The following CLN6 variants were observed in gnomAD, a reference collection of about 807,000 sequenced individuals.
The protein encoded by CLN6 is CLN6 transmembrane ER protein, also known as ceroid-lipofuscinosis neuronal protein 6.
CLN6 carries 22 observed loss-of-function variants against 33.3 expected under a neutral mutation model. The ratio of observed to expected loss-of-function variants is 0.66; its 90% confidence interval spans 0.47 to 0.94. The LOEUF is 0.94. Among genes scored for constraint, CLN6 ranks in the 40% least tolerant of loss-of-function variants. The pLI, the probability that CLN6 is intolerant of heterozygous loss-of-function variation, is 0.00. For synonymous variants in CLN6, 201 were observed against 174.6 expected, an observed-to-expected ratio of 1.15 and a Z score of -1.19; for missense variants, 387 against 417.1, an observed-to-expected ratio of 0.93 and a Z score of 0.63.
chr15:68,213,537 T>C (rs1044136058), intron 3 of CLN6: 3 of 152,188 alleles, frequency 2.0e-5, no homozygotes, highest in African/African-American at 7.2e-5. Context: ...CCACTGCGCC[T>C]GGCCAATTTT....
Position 68,211,256 on chromosome 15 carries a change from C to T in CLN6, c.542+7G>A, listed in dbSNP as rs991076289. 1 of 1,613,716 alleles carries T rather than the reference C, an allele frequency of 6.2e-7. No homozygotes were observed. On this transcript the variant is annotated splice_region_variant and intron_variant, in intron 5 of 6. Transcript: ENST00000249806. The surrounding 1 kb of genome is among the most constrained non-coding windows in gnomAD (Gnocchi z 5.9). ...CCCTGGGATAGACAGATGGGCCCAT[C>T]ACTCACCACATGCAGTGACCCAGGT...
In CLN6 at chr15:68,211,159, G is replaced by T; in HGVS notation, c.542+104C>A. 1 of 961,584 alleles carries T rather than the reference G, an allele frequency of 1.0e-6. No homozygotes were observed. Among genetic ancestry groups the T allele is most frequent in the Non-Finnish European group, 1.7e-6 (1 of 585,530 alleles). The allele number at this position is 961,584 out of a possible 1,614,324, so 59.6% of individuals were successfully genotyped here. ...TACAGGGGATGAGACTCAACACATG[G>T]AGACCCGCAGCCCAGACAGCCTTGC... On this transcript the variant is annotated intron_variant, in intron 5 of 6. Transcript: ENST00000249806. The surrounding 1 kb of genome is among the most constrained non-coding windows in gnomAD (Gnocchi z 5.9).
In CLN6 at chr15:68,242,834, G is replaced by A. The variant is rs1010546189; in HGVS notation, c.179+13856C>T. ...AGCATTAGATGATAGGTAAGGCCTG[G>A]GGACATGTGGAGAGCCATGCCCACC... is the stretch of plus-strand genomic sequence containing the variant. On this transcript the variant is annotated intron_variant, in intron 1 of 6. Coordinates refer to the CLN6 transcript ENST00000538696. This position sits in a 1 kb window ranked among gnomAD's most constrained non-coding sequence, Gnocchi z 5.0. 1.3e-5 allele frequency among the ~76,000 whole-genome samples: 2 copies of A among 152,166 alleles called. No individual in the cohort carries two copies. Among genetic ancestry groups the A allele is most frequent in the African/African-American group, 4.8e-5 (2 of 41,430 alleles).
At position 68,247,201 on chromosome 15, in the gene CLN6, T is replaced by A. The variant is rs1892336869; in HGVS notation, c.179+9489A>T. Among the ~76,000 whole-genome samples, 1 of 152,206 alleles carries A rather than the reference T, an allele frequency of 6.6e-6. No individual in the cohort carries two copies. The highest frequency in any genetic ancestry group is 1.9e-4 in the East Asian group (1 of 5,188). ...AGAAAGAAATAAAGAGAATCCAATT[T>A]GGAAAGGAAGAATTCAAATTAGACT... On this transcript the variant is annotated intron_variant, in intron 1 of 6. Coordinates refer to the CLN6 transcript ENST00000538696. The surrounding 1 kb of genome is among the most constrained non-coding windows in gnomAD (Gnocchi z 4.2).
intron 1 of CLN6, among the ~76,000 whole-genome samples, chr15:68,238,401 CAA>C (rs1027215007): frequency 1.6e-5 from 2 of 125,254 alleles, no homozygotes; most frequent in African/African-American, 3.0e-5. Context: ...GACTCTGTCT[CAA>C]AAAAAAAAAG....
rs1248264264 is a variant in CLN6 at position 68,247,013 on chromosome 15, TG to T, written c.179+9676del. Among the ~76,000 whole-genome samples the T allele has an allele frequency of 2.6e-5, 4 of 151,886 alleles. No homozygotes were observed. Among genetic ancestry groups the T allele is most frequent in the African/African-American group, 9.7e-5 (4 of 41,308 alleles). ...TCTATTAAAAATACAAAAATTAGCCTGGCGTGGTGGTGCATGCCTGTAATCC... is the reference window on the plus strand; with the variant it reads ...TCTATTAAAAATACAAAAATTAGCCTGCGTGGTGGTGCATGCCTGTAATCC... On this transcript the variant is annotated intron_variant, in intron 1 of 6. Coordinates refer to the CLN6 transcript ENST00000538696. The surrounding 1 kb of genome is among the most constrained non-coding windows in gnomAD (Gnocchi z 4.2).
exon 1 of CLN6, chr15:68,257,101 A>C (rs1892446469): frequency 5.0e-6 from 2 of 398,894 alleles, no homozygotes; most frequent in Non-Finnish European, 4.5e-6. Context: ...ACCTGGCCTG[A>C]CTTCTGCAGG....
chr15:68,252,668 A>C (rs1026043729), intron 1 of CLN6, among the ~76,000 whole-genome samples: 79 of 152,322 alleles, frequency 5.2e-4, no homozygotes, highest in African/African-American at 1.9e-3. Flanking sequence ...GGGTCTACCA[A>C]ATGTCTACTG....
rs913063809 is a variant in CLN6 at position 68,241,006 on chromosome 15, A to G, written c.179+15684T>C. Among the ~76,000 whole-genome samples, 2 of 152,016 alleles carry G rather than the reference A, an allele frequency of 1.3e-5. No individual in the cohort carries two copies. Among genetic ancestry groups the G allele is most frequent in the African/African-American group, 4.8e-5 (2 of 41,412 alleles). ...CTCCCAAAAAAAAAAAACAAAAAAA[A>G]AAACACAGTAGCATTCACAAATAAG... is the stretch of plus-strand genomic sequence containing the variant. On this transcript the variant is annotated intron_variant, in intron 1 of 6. Coordinates refer to the CLN6 transcript ENST00000538696. This position sits in a 1 kb window ranked among gnomAD's most constrained non-coding sequence, Gnocchi z 4.2.
At position 68,219,054 on chromosome 15, in the gene CLN6, T is replaced by C. The variant is rs2093228360; in HGVS notation, c.84-404A>G. Reference sequence around the variant, plus strand: ...GGCACTACTGTTAGCTGTTTACATGTATTATCTCATTTAATCCTCACAGAA... The same window carrying C: ...GGCACTACTGTTAGCTGTTTACATGCATTATCTCATTTAATCCTCACAGAA... On this transcript the variant is annotated intron_variant, in intron 1 of 6. Coordinates refer to ENST00000249806, the MANE Select transcript of CLN6 (RefSeq NM_017882.3). This position sits in a 1 kb window ranked among gnomAD's most constrained non-coding sequence, Gnocchi z 4.2. 6.6e-6 allele frequency among the ~76,000 whole-genome samples: 1 copy of C among 152,200 alleles called. No individual in the cohort carries two copies. Among genetic ancestry groups the C allele is most frequent in the Non-Finnish European group, 1.5e-5 (1 of 68,032 alleles).
At chr15:68,237,126 C>T (rs1402585510) in intron 1 of CLN6, among the ~76,000 whole-genome samples, 2 of 132,904 alleles carry the variant, frequency 1.5e-5, no homozygotes, top group East Asian at 2.4e-4. Flanking sequence ...CACTGCAGTC[C>T]GCAATCCGGC....
intron 1 of CLN6, among the ~76,000 whole-genome samples, chr15:68,252,249 C>T (rs1376104452): frequency 6.6e-6 from 1 of 152,100 alleles, no homozygotes; most frequent in Non-Finnish European, 1.5e-5. Flanking sequence ...GCTGGGATTA[C>T]AGGCGTGAGC....
At chr15:68,229,861 G>C, upstream of CLN6, 1 of 265,992 alleles carries the variant, frequency 3.8e-6, no homozygotes, top group South Asian at 1.6e-4. Context: ...CGGGGCGGGG[G>C]CTGCTGGCCT....
rs1892211833 is a variant in CLN6, at chr15:68,235,584, AT to A, written c.180-16935del. Among the ~76,000 whole-genome samples, 4 of 31,332 alleles carry A rather than the reference AT, an allele frequency of 1.3e-4. No individual in the cohort carries two copies. The South Asian group carries it at 2.8e-3, about 22-fold the overall frequency. 20.6% of individuals were successfully genotyped at this position (31,332 alleles called of 152,430 possible). ...GTCTGTGTCTAAAAAAAAAATAAAA[AT>A]AAATATATATATATATATATATATA... is the stretch of plus-strand genomic sequence containing the variant. On this transcript the variant is annotated intron_variant, in intron 1 of 6. Coordinates refer to the CLN6 transcript ENST00000538696.
In CLN6 at chr15:68,247,099, T is replaced by C. The variant is rs1892335743; in HGVS notation, c.179+9591A>G. Among the ~76,000 whole-genome samples, 1 of 152,140 alleles carries C rather than the reference T, an allele frequency of 6.6e-6. No homozygotes were observed. Among genetic ancestry groups the C allele is most frequent in the African/African-American group, 2.4e-5 (1 of 41,378 alleles). ...TGAAACTGGGAGGTGTTCTAAGCTC[T>C]GGAACAAAACAAGGATGCCCACCTC... is the stretch of plus-strand genomic sequence containing the variant. On this transcript the variant is annotated intron_variant, in intron 1 of 6. Coordinates refer to the CLN6 transcript ENST00000538696. This position sits in a 1 kb window ranked among gnomAD's most constrained non-coding sequence, Gnocchi z 4.2.
rs555551208 is a variant in CLN6, at chr15:68,247,771, G to A, written c.179+8919C>T. ...GGGTCAGGCATGGTGGCTCATGCCT[G>A]TAATCTGAGCACTTTGGGAGGCTGA... On this transcript the variant is annotated intron_variant, in intron 1 of 6. Transcript: ENST00000538696. The surrounding 1 kb of genome is among the most constrained non-coding windows in gnomAD (Gnocchi z 4.2). Among the ~76,000 whole-genome samples, 12 of 152,290 alleles carry A rather than the reference G, an allele frequency of 7.9e-5. No individual in the cohort carries two copies. In the South Asian group the frequency reaches 2.5e-3, roughly 32 times the overall value.
At chr15:68,231,269 C>T (rs903959523), upstream of CLN6, among the ~76,000 whole-genome samples, 20 of 152,172 alleles carry the variant, frequency 1.3e-4, no homozygotes, top group African/African-American at 4.1e-4. Flanking sequence ...CCCCCCCCTC[C>T]GCCCCTGGTC....
intron 1 of CLN6, among the ~76,000 whole-genome samples, chr15:68,223,154 C>T (rs531546818): frequency 2.6e-5 from 4 of 151,744 alleles, no homozygotes; most frequent in Admixed American, 6.6e-5. Flanking sequence ...AAAGGATCAG[C>T]GTGGCCTAGG....
rs1364229916 is a variant in CLN6, at chr15:68,219,325, G to A, written c.84-675C>T. Among the ~76,000 whole-genome samples the A allele has an allele frequency of 6.6e-6, 1 of 152,198 alleles. No individual in the cohort carries two copies. The highest frequency in any genetic ancestry group is 1.5e-5 in the Non-Finnish European group (1 of 68,044). Reference sequence around the variant, plus strand: ...AATGTGCTTTAGAGAGACTGAAATGGATAGGGCCTCCTGCTCGCTTGATTC... The same window carrying A: ...AATGTGCTTTAGAGAGACTGAAATGAATAGGGCCTCCTGCTCGCTTGATTC... On this transcript the variant is annotated intron_variant, in intron 1 of 6. Transcript: ENST00000249806. The surrounding 1 kb of genome is among the most constrained non-coding windows in gnomAD (Gnocchi z 4.2).
Sources: allele counts gnomAD v4.1 joint callset (sites outside exome capture counted in the v4.1 genomes callset), GRCh38; gene constraint gnomAD v4.1.1; non-coding constraint Gnocchi (gnomAD v3.1); transcripts MANE v1.5; gene names NCBI Gene and HGNC (gene_info 2026-07-23, HGNC 2026-07-21).